The following LONP2 variants were observed in gnomAD, a reference collection of about 807,000 sequenced individuals.
LONP2 encodes lon peptidase 2, peroxisomal, also known as lon protease homolog 2, peroxisomal.
In LONP2, 60 loss-of-function variants were observed where a neutral mutation model predicts 85.6. The observed-to-expected ratio is 0.70, with a 90% confidence interval of 0.57 to 0.87. The LOEUF is 0.87. Among genes scored for constraint, LONP2 ranks in the 40% least tolerant of loss-of-function variants. The pLI is 0.00. For missense variants in LONP2, 860 were observed against 1,063.5 expected (o/e 0.81, Z 2.66); for synonymous variants, 395 against 389.7 (o/e 1.01, Z -0.16).
At chr16:48,311,073 T>C (rs1042115459) in intron 11 of LONP2, among the ~76,000 whole-genome samples, 1 of 152,190 alleles carries the variant, frequency 6.6e-6, no homozygotes, top group African/African-American at 2.4e-5. Context: ...ACTTTTACTG[T>C]ATTTAGGGAT....
chr16:48,294,834 T>C (rs1369586880), intron 8 of LONP2, among the ~76,000 whole-genome samples: 1 of 152,222 alleles, frequency 6.6e-6, no homozygotes, highest in Non-Finnish European at 1.5e-5. Flanking sequence ...ACTGCTTATA[T>C]AGTTAAATTG....
intron 8 of LONP2, among the ~76,000 whole-genome samples, chr16:48,290,063 T>G (rs2150990990): frequency 6.6e-6 from 1 of 152,330 alleles, no homozygotes; most frequent in East Asian, 1.9e-4. Flanking sequence ...TGTCAAGGTC[T>G]TCTAGAATAT....
Position 48,339,155 on chromosome 16 carries a change from A to G in LONP2, c.1938+4797A>G, listed in dbSNP as rs551450519. Among the ~76,000 whole-genome samples, 5 of 152,296 alleles carry G rather than the reference A, an allele frequency of 3.3e-5. No individual in the cohort carries two copies. The East Asian group carries it at 9.6e-4, about 29-fold the overall frequency. On this transcript the variant is annotated intron_variant, in intron 12 of 14. Transcript: ENST00000285737. ...CATTATTTAGGGATCATATAGAGAG[A>G]AGAGGAGCCAACAAAGAAGTCGGGA...
At chr16:48,297,134 A>G (rs1972690169) in intron 9 of LONP2, among the ~76,000 whole-genome samples, 1 of 151,648 alleles carries the variant, frequency 6.6e-6, no homozygotes, top group Non-Finnish European at 1.5e-5. Context: ...CAGCCTCCCA[A>G]GTAGCTGAGA....
intron 12 of LONP2, among the ~76,000 whole-genome samples, chr16:48,341,426 A>G (rs2151029224): frequency 6.6e-6 from 1 of 152,328 alleles, no homozygotes; most frequent in South Asian, 2.1e-4. Flanking sequence ...GAGCAGGAGC[A>G]AGAGTGCAGG....
rs1971670287 is a variant in LONP2 at position 48,252,249 on chromosome 16, C to T, written c.352C>T (p.Pro118Ser). 6.2e-7 allele frequency: 1 copy of T among 1,614,046 alleles called. No homozygotes were observed. The highest frequency in any genetic ancestry group is 1.3e-5 in the African/African-American group (1 of 74,944). ...FQIVQVLKEK[P>S]YPIAEVEQLD... ...GATTGTACAGGTCTTAAAAGAGAAG[C>T]CATATCCCATTGCTGAAGTGGAGCA... The change falls in exon 2 of 15, where the codon CCA becomes TCA. Residue 118 changes from proline (P) to serine (S), a missense_variant. By Grantham distance (74) the Pro-to-Ser change is moderately conservative (BLOSUM62 -1). This residue lies in a region of LONP2 where 743 missense variants were observed against 917.3 expected (regional missense o/e 0.81). Coordinates refer to ENST00000285737, the MANE Select transcript of LONP2 (RefSeq NM_031490.5).
In LONP2 at chr16:48,362,522, G is replaced by T; in HGVS notation, c.*659G>T. On this transcript the variant is annotated 3_prime_UTR_variant, in exon 5 of 5. Transcript: ENST00000565867. The surrounding 1 kb of genome is among the most constrained non-coding windows in gnomAD (Gnocchi z 4.2). ...TTTACATGCCATAAGTCCTTTTAAA[G>T]TTTCATACAAAATTTACTGAGCAAA... 7.6e-7 allele frequency: 1 copy of T among 1,307,942 alleles called. No individual in the cohort carries two copies. The highest frequency in any genetic ancestry group is 1.4e-5 in the South Asian group (1 of 71,942). The allele number at this position is 1,307,942 out of a possible 1,614,324, so 81.0% of individuals were successfully genotyped here.
intron 13 of LONP2, 93 bp from the exon 14 acceptor site, chr16:48,348,007 A>G (rs748425396): frequency 2.5e-5 from 31 of 1,218,780 alleles, no homozygotes; most frequent in Non-Finnish European, 3.0e-5. Flanking sequence ...TCATTTACCC[A>G]AAACATTCAT....
Position 48,296,062 on chromosome 16 carries a change from T to C in LONP2, c.1431T>C (p.Asn477=). ...ATAACTTCACAGATCATTATCTAAATGTGGCCTTTGACCTTTCTCAAGTTC... is the reference window on the plus strand; with the variant it reads ...ATAACTTCACAGATCATTATCTAAACGTGGCCTTTGACCTTTCTCAAGTTC... ...QNHNFTDHYL[N]VAFDLSQVLF... is the part of the protein sequence containing the mutation. Residue 477 remains asparagine, a synonymous_variant, in exon 9 of 15, where the codon AAT becomes AAC. Transcript: ENST00000285737. The C allele has an allele frequency of 6.2e-7, 1 of 1,614,192 alleles. No homozygotes were observed. Among genetic ancestry groups the C allele is most frequent in the Non-Finnish European group, 8.5e-7 (1 of 1,180,020 alleles).
intron 11 of LONP2, among the ~76,000 whole-genome samples, chr16:48,311,167 T>C (rs1973022256): frequency 6.6e-6 from 1 of 152,174 alleles, no homozygotes; most frequent in East Asian, 1.9e-4. Flanking sequence ...CTGGAGTTTG[T>C]TGAGCGTCTT....
intron 14 of LONP2, 136 bp downstream of exon 14, chr16:48,348,426 C>A: frequency 5.5e-6 from 2 of 365,526 alleles, no homozygotes; most frequent in Non-Finnish European, 9.1e-6. Flanking sequence ...ATGCCTGTAA[C>A]TAATTCATAT....
In LONP2 at chr16:48,245,191, C is replaced by T. The variant is rs549088365; in HGVS notation, c.233+570C>T. On this transcript the variant is annotated intron_variant, in intron 1 of 14. Transcript: ENST00000285737. The stretch of plus-strand genomic sequence containing the variant: ...CCTTCTCCTTCTCCCCCTAATCCTT[C>T]TGTTTCCCTTTGTAAAGGGCCTTTA... Among the ~76,000 whole-genome samples, 4 of 152,280 alleles carry T rather than the reference C, an allele frequency of 2.6e-5. No homozygotes were observed. In the South Asian group the frequency reaches 6.2e-4, roughly 24 times the overall value.
rs753221883 is a variant in LONP2 at position 48,347,747 on chromosome 16, C to G, written c.2146+33C>G. On this transcript the variant is annotated intron_variant, in intron 13 of 14. Coordinates refer to ENST00000285737, the MANE Select transcript of LONP2 (RefSeq NM_031490.5). ...CCTGCACCCGGCCAGGCAGGCGTGA[C>G]CCAGGAGGCGGTACCTTCCATGGCG... 3.2e-6 allele frequency: 5 copies of G among 1,586,812 alleles called. No homozygotes were observed. In the Admixed American group the frequency reaches 8.8e-5, roughly 28 times the overall value.
chr16:48,323,491 C>T (rs1973307946), intron 11 of LONP2, among the ~76,000 whole-genome samples: 1 of 152,016 alleles, frequency 6.6e-6, no homozygotes, highest in Non-Finnish European at 1.5e-5. Flanking sequence ...CCCGTCTCTA[C>T]TAAAAATACA....
intron 11 of LONP2, among the ~76,000 whole-genome samples, chr16:48,317,847 G>C (rs747994644): frequency 6.6e-5 from 10 of 152,204 alleles, no homozygotes; most frequent in Non-Finnish European, 1.5e-4. Flanking sequence ...TGGCTGGCTA[G>C]ACCACAAGTC....
intron 13 of LONP2, 73 bp downstream of exon 13, chr16:48,347,787 C>T: frequency 5.1e-6 from 7 of 1,366,366 alleles, no homozygotes; most frequent in Non-Finnish European, 7.0e-6. Flanking sequence ...CTGGCATGAG[C>T]TCGAGACTGC....
chr16:48,266,775 T>G (rs930756085), intron 6 of LONP2, among the ~76,000 whole-genome samples: 1 of 152,120 alleles, frequency 6.6e-6, no homozygotes, highest in Non-Finnish European at 1.5e-5. Flanking sequence ...ACATTTGGGT[T>G]GTTTTCAGTT....
intron 11 of LONP2, among the ~76,000 whole-genome samples, chr16:48,326,678 C>T (rs1052776657): frequency 7.9e-5 from 12 of 152,202 alleles, no homozygotes; most frequent in South Asian, 4.2e-4. Flanking sequence ...CAAGAGCTAC[C>T]GAGAACTACC....
chr16:48,299,088 C>T (rs1405443542), intron 9 of LONP2, among the ~76,000 whole-genome samples: 3 of 151,290 alleles, frequency 2.0e-5, no homozygotes, highest in Non-Finnish European at 3.0e-5. Context: ...GACAGGGTTT[C>T]GCCATGTTGC....
Sources: gnomAD v4.1 joint callset for allele counts (sites outside exome capture counted in the v4.1 genomes callset) on GRCh38, gnomAD v4.1.1 for gene constraint, gnomAD v4.1.1 regional missense constraint, Gnocchi (gnomAD v3.1) non-coding constraint, MANE v1.5 for transcripts, NCBI Gene and HGNC (gene_info 2026-07-23, HGNC 2026-07-21) for gene names.